Variants in DNAH9 observed in about 807,000 individuals in gnomAD.
DNAH9 encodes the protein DNAH9 variant protein.
A neutral mutation model predicts 471.6 loss-of-function variants in DNAH9; 345 were observed. The observed-to-expected ratio is 0.73, with a 90% confidence interval of 0.67 to 0.80. The LOEUF is 0.80. Among genes scored for constraint, DNAH9 ranks in the 30% least tolerant of loss-of-function variants. DNAH9 has a pLI of 0.00. For missense variants in DNAH9, 5,407 were observed against 5,609.2 expected (o/e 0.96, Z 1.15); for synonymous variants, 2,093 against 2,123.6 (o/e 0.99, Z 0.40).
chr17:11,769,059 C>T (rs563319833), intron 37 of DNAH9, 63 bp from the exon 38 acceptor site: 4 of 1,561,170 alleles, frequency 2.6e-6, no homozygotes, highest in African/African-American at 2.7e-5. Flanking sequence ...TTCGGAACGC[C>T]GCTGGTGCAT....
At chr17:11,869,551 C>T (rs572544424) in intron 51 of DNAH9, among the ~76,000 whole-genome samples, 1 of 152,272 alleles carries the variant, frequency 6.6e-6, no homozygotes, top group African/African-American at 2.4e-5. Flanking sequence ...GGAAACATTA[C>T]AAGACAAAGC....
intron 38 of DNAH9, among the ~76,000 whole-genome samples, chr17:11,772,581 G>C (rs974087084): frequency 6.6e-6 from 1 of 152,070 alleles, no homozygotes; most frequent in Non-Finnish European, 1.5e-5. Context: ...TCCTGCCTCA[G>C]CCTCCCCAGT....
In DNAH9 at chr17:11,942,268, CCTTT is replaced by C. The variant is rs762355383; in HGVS notation, c.12661-31_12661-28del. 6.2e-6 allele frequency: 10 copies of C among 1,603,590 alleles called. No individual in the cohort carries two copies. The African/African-American group carries it at 6.7e-5, about 11-fold the overall frequency. On this transcript the variant is annotated intron_variant, in intron 66 of 68. Coordinates refer to ENST00000262442, the MANE Select transcript of DNAH9 (RefSeq NM_001372.4). ...ATGGATTCCTTCTGGAGAATAGAGC[CCTTT>C]CTTAACGCTGTGTTTCCTTCTGTGG...
At chr17:11,958,842 T>C (rs767641824) in intron 67 of DNAH9, among the ~76,000 whole-genome samples, 1 of 152,072 alleles carries the variant, frequency 6.6e-6, no homozygotes, top group Non-Finnish European at 1.5e-5. Context: ...AAATGACAGA[T>C]CAGCTTTCCT....
At chr17:11,785,581 G>A (rs1462844730) in intron 41 of DNAH9, among the ~76,000 whole-genome samples, 4 of 152,138 alleles carry the variant, frequency 2.6e-5, no homozygotes, top group African/African-American at 7.2e-5. Context: ...GACCAGGAAA[G>A]CTCCACCTGA....
At chr17:11,638,894 G>T (rs975056085) in intron 9 of DNAH9, among the ~76,000 whole-genome samples, 1 of 152,162 alleles carries the variant, frequency 6.6e-6, no homozygotes, top group Non-Finnish European at 1.5e-5. Flanking sequence ...CCTGTTGGCT[G>T]TCAGCCAAGG....
At chr17:11,664,745 CAT>C (rs1328258714) in intron 14 of DNAH9, 86 bp from the exon 15 acceptor site, 1 of 1,095,948 alleles carries the variant, frequency 9.1e-7, no homozygotes, top group Non-Finnish European at 1.3e-6. Flanking sequence ...TTTTTTTCTC[CAT>C]ATGTTGTTTT....
chr17:11,684,686 C>T (rs1054695048), intron 19 of DNAH9, among the ~76,000 whole-genome samples: 7 of 152,128 alleles, frequency 4.6e-5, no homozygotes, highest in Admixed American at 1.3e-4. Context: ...GAAGACCATT[C>T]GTGTTTTCAG....
At chr17:11,727,948 C>G (rs1395967931) in intron 28 of DNAH9, 26 bp downstream of exon 28, 1 of 1,450,282 alleles carries the variant, frequency 6.9e-7, no homozygotes, top group Non-Finnish European at 9.7e-7. Flanking sequence ...TGGTGGGAGC[C>G]TTGTGGTCTT....
At chr17:11,912,167 G>A (rs551047881) in intron 61 of DNAH9, among the ~76,000 whole-genome samples, 51 of 152,220 alleles carry the variant, frequency 3.4e-4, no homozygotes, top group African/African-American at 1.1e-3. Context: ...ACAGGTACAC[G>A]CCACCATGTC....
At chr17:11,779,502 C>T (rs144261108) in intron 38 of DNAH9, among the ~76,000 whole-genome samples, 327 of 152,238 alleles carry the variant, frequency 2.1e-3, no homozygotes, top group Non-Finnish European at 3.9e-3. Context: ...GAGATAATCC[C>T]GTGCGCTCCA....
Position 11,781,038 on chromosome 17 carries a change from G to A in DNAH9, c.7582G>A (p.Ala2528Thr). The change falls in exon 39 of 69, where the codon GCT becomes ACT. Residue 2528 changes from alanine to threonine, a missense_variant. Physicochemically the swap from Ala to Thr is moderately conservative, Grantham distance 58. This residue lies in a region of DNAH9 where 4,636 missense variants were observed against 4,900.3 expected (regional missense o/e 0.95). Transcript: ENST00000262442. The stretch of plus-strand genomic sequence containing the variant: ...CCTGGAGAAGCCTCTGGAAAAGAAG[G>A]CTGGCAGAAACTATGGCCCTCCAGG... ...AVLEKPLEKK[A>T]GRNYGPPGNK... 1 of 1,614,108 alleles carries A rather than the reference G, an allele frequency of 6.2e-7. No individual in the cohort carries two copies. The highest frequency in any genetic ancestry group is 8.5e-7 in the Non-Finnish European group (1 of 1,180,002).
chr17:11,625,905 T>C (rs971857479), intron 6 of DNAH9, among the ~76,000 whole-genome samples: 7 of 152,232 alleles, frequency 4.6e-5, no homozygotes. Context: ...TTAATTATAG[T>C]GGCTGCCTTT....
chr17:11,607,087 C>A (rs975536657), intron 1 of DNAH9, among the ~76,000 whole-genome samples: 2 of 152,190 alleles, frequency 1.3e-5, no homozygotes, highest in Non-Finnish European at 2.9e-5. Flanking sequence ...AGATCCTCAA[C>A]TTTGCTTGCC....
chr17:11,851,006 C>T (rs1971401431), intron 49 of DNAH9, among the ~76,000 whole-genome samples: 1 of 152,058 alleles, frequency 6.6e-6, no homozygotes, highest in South Asian at 2.1e-4. Flanking sequence ...TGAAGGAAAC[C>T]ATCATGGCTC....
At chr17:11,790,693 C>G (rs956038002) in intron 41 of DNAH9, among the ~76,000 whole-genome samples, 6 of 151,766 alleles carry the variant, frequency 4.0e-5, no homozygotes, top group Non-Finnish European at 5.9e-5. Context: ...ATTAAATCTA[C>G]TTATGCTCTT....
chr17:11,598,909 C>G lies in DNAH9; in HGVS notation c.411C>G (p.Phe137Leu). 6.5e-7 allele frequency: 1 copy of G among 1,527,564 alleles called. No individual in the cohort carries two copies. Among genetic ancestry groups the G allele is most frequent in the Non-Finnish European group, 8.7e-7 (1 of 1,143,814 alleles). The allele number at this position is 1,527,564 out of a possible 1,614,324, so 94.6% of individuals were successfully genotyped here. A position where few individuals can be genotyped will look rare whatever the true frequency, so the allele number is the denominator to read the frequency against. ...CTCTGGAGCACCTAGCCGCGCTGTT[C>G]TCGGAGGTGAGGGTGGGTTAGTGTC... ...AAPLEHLAAL[F>L]SEVVLPVLAN... Residue 137 changes from phenylalanine to leucine, a missense_variant, in exon 1 of 69, where the codon TTC becomes TTG. This residue lies in a region of DNAH9 where 767 missense variants were observed against 692.5 expected (regional missense o/e 1.11). Transcript: ENST00000262442.
intron 57 of DNAH9, 92 bp from the exon 58 acceptor site, chr17:11,891,685 G>C: frequency 6.9e-7 from 1 of 1,455,172 alleles, no homozygotes; most frequent in East Asian, 2.3e-5. Flanking sequence ...ATTTCTATGG[G>C]CTGGAAAACT....
chr17:11,638,618 C>T (rs2073207609), intron 9 of DNAH9, among the ~76,000 whole-genome samples: 1 of 152,134 alleles, frequency 6.6e-6, no homozygotes, highest in South Asian at 2.1e-4. Flanking sequence ...AACTCTCGAC[C>T]TTATGATCTG....
Sources: gnomAD v4.1 joint callset for allele counts (sites outside exome capture counted in the v4.1 genomes callset) on GRCh38, gnomAD v4.1.1 for gene constraint, gnomAD v4.1.1 regional missense constraint, MANE v1.5 for transcripts, NCBI Gene and HGNC (gene_info 2026-07-23, HGNC 2026-07-21) for gene names.